Variants in RNF220 observed in about 807,000 individuals in gnomAD.
The protein encoded by RNF220 is E3 ubiquitin-protein ligase RNF220.
A neutral mutation model predicts 67.1 loss-of-function variants in RNF220; 7 were observed. That is an observed-to-expected ratio of 0.10 (90% CI 0.06 to 0.20). The LOEUF is 0.20. Ranked by LOEUF, RNF220 falls within the 10% of genes least tolerant of loss-of-function variation. The pLI, the probability that RNF220 is intolerant of heterozygous loss-of-function variation, is 1.00. For missense variants in RNF220, 565 were observed against 740.3 expected (o/e 0.76, Z 2.75); for synonymous variants, 270 against 283.2 (o/e 0.95, Z 0.47).
intron 2 of RNF220, among the ~76,000 whole-genome samples, chr1:44,475,254 ATATT>A (rs1655188172): frequency 2.0e-5 from 3 of 152,226 alleles, no homozygotes; most frequent in Non-Finnish European, 4.4e-5. Context: ...GAATGAATCT[ATATT>A]TATATTTTTT....
chr1:44,415,828 C>T (rs1648474581), intron 2 of RNF220, among the ~76,000 whole-genome samples: 1 of 152,090 alleles, frequency 6.6e-6, no homozygotes, highest in Admixed American at 6.6e-5. Context: ...ACTGCTGCAG[C>T]CACCCCCTGC....
chr1:44,524,961 G>A (rs139408861), intron 2 of RNF220, among the ~76,000 whole-genome samples: 1 of 151,288 alleles, frequency 6.6e-6, no homozygotes, highest in East Asian at 1.9e-4. Context: ...TCTTCAGCTG[G>A]TGAAAAAAAG....
At chr1:44,406,119 T>C (rs1190120342) in intron 1 of RNF220, among the ~76,000 whole-genome samples, 1 of 152,118 alleles carries the variant, frequency 6.6e-6, no homozygotes, top group African/African-American at 2.4e-5. Context: ...CCCGACAGCC[T>C]CCACCCCACA....
chr1:44,490,398 G>T (rs1196101242), intron 2 of RNF220, among the ~76,000 whole-genome samples: 1 of 151,730 alleles, frequency 6.6e-6, no homozygotes, highest in Non-Finnish European at 1.5e-5. Flanking sequence ...TGAACCCAGA[G>T]GTTCACTGCA....
At chr1:44,560,111 G>A (rs1004831067) in intron 2 of RNF220, among the ~76,000 whole-genome samples, 6 of 152,196 alleles carry the variant, frequency 3.9e-5, no homozygotes, top group African/African-American at 7.2e-5. Flanking sequence ...TGATGACGGC[G>A]TCACCTCCTG....
intron 2 of RNF220, among the ~76,000 whole-genome samples, chr1:44,564,028 C>T (rs1335055026): frequency 6.6e-6 from 1 of 152,198 alleles, no homozygotes; most frequent in African/African-American, 2.4e-5. Flanking sequence ...CCACTGGCCC[C>T]CATGCCTGCC....
intron 2 of RNF220, among the ~76,000 whole-genome samples, chr1:44,611,415 C>T (rs1047186945): frequency 1.3e-5 from 2 of 152,216 alleles, no homozygotes; most frequent in African/African-American, 4.8e-5. Flanking sequence ...CCCTAAGAAC[C>T]AGACTTGGTG....
intron 2 of RNF220, among the ~76,000 whole-genome samples, chr1:44,492,422 C>A (rs1165014281): frequency 6.6e-6 from 1 of 152,134 alleles, no homozygotes; most frequent in Non-Finnish European, 1.5e-5. Context: ...TAGGTATATA[C>A]CCAAAAGAAC....
chr1:44,627,140 T>C (rs922353164), intron 5 of RNF220: 2 of 140,622 alleles, frequency 1.4e-5, no homozygotes, highest in African/African-American at 2.7e-5. Flanking sequence ...AGGTCAGCAA[T>C]TGGAGACCAG....
intron 2 of RNF220, among the ~76,000 whole-genome samples, chr1:44,607,779 A>T (rs980941151): frequency 1.3e-5 from 2 of 151,860 alleles, no homozygotes; most frequent in African/African-American, 2.4e-5. Flanking sequence ...ATAAGCCACC[A>T]CGCCCGGCCA....
chr1:44,590,798 G>C, intron 2 of RNF220, among the ~76,000 whole-genome samples: 1 of 152,202 alleles, frequency 6.6e-6, no homozygotes, highest in East Asian at 1.9e-4. Flanking sequence ...ACAAGTAAAA[G>C]TGTAATCACA....
chr1:44,430,549 T>C (rs1269045333), intron 2 of RNF220, among the ~76,000 whole-genome samples: 1 of 152,184 alleles, frequency 6.6e-6, no homozygotes, highest in Non-Finnish European at 1.5e-5. Context: ...TATTTATTTT[T>C]ATTTTTTATT....
intron 12 of RNF220, among the ~76,000 whole-genome samples, chr1:44,646,811 C>T (rs1644664273): frequency 6.6e-6 from 1 of 152,158 alleles, no homozygotes; most frequent in South Asian, 2.1e-4. Flanking sequence ...GCAGAGCTCT[C>T]CACTGGGTCT....
At chr1:44,613,843 C>T (rs765450260) in intron 2 of RNF220, among the ~76,000 whole-genome samples, 1 of 152,150 alleles carries the variant, frequency 6.6e-6, no homozygotes, top group Non-Finnish European at 1.5e-5. Context: ...CGCTACTGTA[C>T]TCCAGCCTGG....
At chr1:44,589,613 C>CAAAA (rs11437946) in intron 2 of RNF220, among the ~76,000 whole-genome samples, 13 of 109,420 alleles carry the variant, frequency 1.2e-4, no homozygotes, top group Admixed American at 3.1e-4. Flanking sequence ...GACTGCATCT[C>CAAAA]AAAAAAAAAA....
Position 44,650,040 on chromosome 1 carries a change from G to A in RNF220, c.1629+83G>A, listed in dbSNP as rs749457715. ...TGTGCTTATGCCTGAGCCTGCCTGG[G>A]GGAAGTGGGGAGCATGGCGCAAAGG... On this transcript the variant is annotated intron_variant, in intron 14 of 14. Coordinates refer to ENST00000361799, the MANE Select transcript of RNF220 (RefSeq NM_018150.4). The surrounding 1 kb of genome is among the most constrained non-coding windows in gnomAD (Gnocchi z 4.3). The A allele has an allele frequency of 2.1e-6, 3 of 1,409,732 alleles. No homozygotes were observed. The highest frequency in any genetic ancestry group is 3.0e-6 in the Non-Finnish European group (3 of 1,015,170). The allele number at this position is 1,409,732 out of a possible 1,614,324, so 87.3% of individuals were successfully genotyped here.
intron 2 of RNF220, among the ~76,000 whole-genome samples, chr1:44,590,302 G>A (rs1271871101): frequency 2.0e-5 from 3 of 152,214 alleles, no homozygotes; most frequent in East Asian, 1.9e-4. Flanking sequence ...AGGAAAGTCC[G>A]GGGAGGGGCT....
chr1:44,434,751 A>G (rs994138711), intron 2 of RNF220, among the ~76,000 whole-genome samples: 6 of 151,918 alleles, frequency 3.9e-5, no homozygotes, highest in Non-Finnish European at 8.8e-5. Context: ...CTGTTGCGTG[A>G]CTAACAGATT....
chr1:44,564,973 G>C (rs978792827), intron 2 of RNF220, among the ~76,000 whole-genome samples: 1 of 151,706 alleles, frequency 6.6e-6, no homozygotes, highest in Non-Finnish European at 1.5e-5. Context: ...GGCCTGGCCT[G>C]AATCAACTCT....
Sources: gnomAD v4.1 joint callset for allele counts (sites outside exome capture counted in the v4.1 genomes callset) on GRCh38, gnomAD v4.1.1 for gene constraint, Gnocchi (gnomAD v3.1) non-coding constraint, MANE v1.5 for transcripts, NCBI Gene and HGNC (gene_info 2026-07-23, HGNC 2026-07-21) for gene names.